Variants in P4HA1 observed in about 807,000 individuals in gnomAD.
P4HA1 encodes prolyl 4-hydroxylase subunit alpha-1.
In P4HA1, 24 loss-of-function variants were observed where a neutral mutation model predicts 72.8. The ratio of observed to expected loss-of-function variants is 0.33; its 90% CI spans 0.24 to 0.46. The LOEUF is 0.46. P4HA1 is among the 20% of genes least tolerant of loss of function. The pLI, the probability that P4HA1 is intolerant of heterozygous loss-of-function variation, is 1.00. For missense variants in P4HA1, 446 were observed against 640.6 expected (o/e 0.70, Z 3.28); for synonymous variants, 201 against 218.8 (o/e 0.92, Z 0.72).
chr10:73,062,488 C>G (rs1390665552), intron 5 of P4HA1, among the ~76,000 whole-genome samples: 4 of 152,100 alleles, frequency 2.6e-5, no homozygotes, highest in South Asian at 2.1e-4. Flanking sequence ...CAATATTATA[C>G]TAGTATAATA....
chr10:73,022,488 A>T (rs1274575314), intron 10 of P4HA1, among the ~76,000 whole-genome samples: 1 of 152,234 alleles, frequency 6.6e-6, no homozygotes, highest in East Asian at 1.9e-4. Context: ...CCCCATCTGT[A>T]GGTCACCAAC....
intron 1 of P4HA1, among the ~76,000 whole-genome samples, chr10:73,080,684 A>G (rs1841802304): frequency 6.6e-6 from 1 of 152,128 alleles, no homozygotes; most frequent in African/African-American, 2.4e-5. Flanking sequence ...GTACTTTGGG[A>G]GGCAGAAGCG....
chr10:73,068,952 CT>C lies in P4HA1; in HGVS notation c.356del (p.Gln119ArgfsTer38). 6.2e-7 allele frequency: 1 copy of C among 1,612,716 alleles called. No homozygotes were observed. The highest frequency in any genetic ancestry group is 8.5e-7 in the Non-Finnish European group (1 of 1,178,922). The part of the protein sequence containing the change: ...GFISNLTIQR[Q>X]YFPNDEDQVG... ...CCTGATCTTCATCATTAGGAAAGTA[CT>C]GTCTCTGAATGGTTAGGTTAGAGAT... On this transcript the variant is annotated frameshift_variant, in exon 5 of 15. Coordinates refer to ENST00000394890, the MANE Select transcript of P4HA1 (RefSeq NM_001017962.3). LOFTEE classifies it high-confidence loss of function.
intron 5 of P4HA1, among the ~76,000 whole-genome samples, chr10:73,061,801 T>C (rs180680616): frequency 3.7e-4 from 57 of 152,114 alleles, no homozygotes; most frequent in Middle Eastern, 6.8e-3. Flanking sequence ...AAAGACCTAC[T>C]TGAGGCCAGG....
At chr10:73,028,818 G>A (rs1840362411) in intron 10 of P4HA1, among the ~76,000 whole-genome samples, 1 of 151,920 alleles carries the variant, frequency 6.6e-6, no homozygotes, top group South Asian at 2.1e-4. Flanking sequence ...GCCAAGGCAG[G>A]CAGATCACTT....
At chr10:73,079,606 G>A (rs1371486259) in intron 1 of P4HA1, among the ~76,000 whole-genome samples, 1 of 152,150 alleles carries the variant, frequency 6.6e-6, no homozygotes, top group Admixed American at 6.6e-5. Flanking sequence ...GCCGGGCGTG[G>A]TGGCAGGCGC....
chr10:73,085,286 C>T (rs1841903192), intron 1 of P4HA1, among the ~76,000 whole-genome samples: 1 of 152,158 alleles, frequency 6.6e-6, no homozygotes. Flanking sequence ...AACTGCTGTG[C>T]TTCAAGAAAG....
At chr10:73,024,322 C>G (rs1233405536) in intron 10 of P4HA1, among the ~76,000 whole-genome samples, 1 of 152,000 alleles carries the variant, frequency 6.6e-6, no homozygotes, top group Non-Finnish European at 1.5e-5. Flanking sequence ...CAAATTAGAA[C>G]TCAGGATTAA....
intron 5 of P4HA1, among the ~76,000 whole-genome samples, chr10:73,062,476 G>A (rs546177228): frequency 6.6e-6 from 1 of 152,026 alleles, no homozygotes; most frequent in South Asian, 2.1e-4. Context: ...CTGAGACTAA[G>A]TCAATATTAT....
In P4HA1 at chr10:73,093,842, C is replaced by CAAAA. The variant is rs1157986784; in HGVS notation, c.-33+2920_-33+2923dup. Among the ~76,000 whole-genome samples the CAAAA allele has an allele frequency of 8.6e-4, 12 of 14,012 alleles. 3 individuals carry two copies. Among genetic ancestry groups the CAAAA allele is most frequent in the Admixed American group, 4.3e-3 (2 of 462 alleles). 9.2% of individuals were successfully genotyped at this position (14,012 alleles called of 152,430 possible). A position where few individuals can be genotyped will look rare whatever the true frequency, so the allele number is the denominator to read the frequency against. ...TGGGTGGCAGAGTGAAACTCCATCT[C>CAAAA]AAAAAAAAAAAAAAAAAAAAAAAAA... On this transcript the variant is annotated intron_variant, in intron 1 of 14. Coordinates refer to ENST00000394890, the MANE Select transcript of P4HA1 (RefSeq NM_001017962.3).
At chr10:73,032,918 A>G in intron 9 of P4HA1, among the ~76,000 whole-genome samples, 1 of 143,638 alleles carries the variant, frequency 7.0e-6, no homozygotes, top group East Asian at 2.1e-4. Flanking sequence ...ATCCTATATT[A>G]CTAAAATTAT....
At chr10:73,082,413 A>T (rs1841843384) in intron 1 of P4HA1, 1 of 152,200 alleles carries the variant, frequency 6.6e-6, no homozygotes, top group South Asian at 2.1e-4. Context: ...AAAGTTGTAA[A>T]ATTTTCAAAA....
chr10:73,020,026 G>C (rs1421946815), intron 10 of P4HA1, among the ~76,000 whole-genome samples: 1 of 151,864 alleles, frequency 6.6e-6, no homozygotes, highest in African/African-American at 2.4e-5. Flanking sequence ...AAGAGATAAG[G>C]GTATCCAACT....
chr10:73,054,194 C>T (rs1197398173), intron 5 of P4HA1, among the ~76,000 whole-genome samples: 1 of 152,162 alleles, frequency 6.6e-6, no homozygotes, highest in African/African-American at 2.4e-5. Context: ...GCATAAGCCA[C>T]CGCGCCCGGC....
chr10:73,027,326 T>C (rs566674600), intron 10 of P4HA1, among the ~76,000 whole-genome samples: 37 of 151,852 alleles, frequency 2.4e-4, no homozygotes, highest in African/African-American at 8.5e-4. Context: ...GAAACCATCA[T>C]TCTCAGCAAA....
intron 5 of P4HA1, among the ~76,000 whole-genome samples, chr10:73,054,571 G>T (rs1589606449): frequency 6.6e-6 from 1 of 152,198 alleles, no homozygotes; most frequent in Non-Finnish European, 1.5e-5. Flanking sequence ...ACATTTGTGT[G>T]TAAGTTTCTA....
intron 9 of P4HA1, 27 bp from the exon 10 acceptor site, chr10:73,030,397 A>C (rs754831728): frequency 6.4e-6 from 8 of 1,242,404 alleles, no homozygotes; most frequent in Middle Eastern, 3.9e-4. Flanking sequence ...TATTAGTTTT[A>C]TTGATAATGT....
At chr10:73,092,355 T>G (rs985743448) in intron 1 of P4HA1, among the ~76,000 whole-genome samples, 1 of 146,394 alleles carries the variant, frequency 6.8e-6, no homozygotes, top group African/African-American at 2.5e-5. Context: ...TCTTTTTTTT[T>G]TTTTTTTTTT....
At chr10:73,051,953 G>A (rs1841030504) in intron 6 of P4HA1, among the ~76,000 whole-genome samples, 1 of 152,086 alleles carries the variant, frequency 6.6e-6, no homozygotes, top group African/African-American at 2.4e-5. Context: ...AATCACATGA[G>A]GAAGACAGGG....
Sources: allele counts gnomAD v4.1 joint callset (sites outside exome capture counted in the v4.1 genomes callset), GRCh38; gene constraint gnomAD v4.1.1; transcripts MANE v1.5; gene names NCBI Gene and HGNC (gene_info 2026-07-23, HGNC 2026-07-21).